ZMAT4: variants seen among roughly 807,000 people sequenced by gnomAD.
ZMAT4 encodes zinc finger matrin-type protein 4.
Under a neutral mutation model 28.7 loss-of-function variants are expected in ZMAT4, and 17 were observed. The ratio of observed to expected loss-of-function variants is 0.59; its 90% confidence interval spans 0.41 to 0.89. The LOEUF (loss-of-function observed/expected upper bound fraction) is 0.89, where lower values mean the gene tolerates loss of function less well. Among genes scored for constraint, ZMAT4 ranks in the 40% least tolerant of loss-of-function variants. The probability of loss-of-function intolerance (pLI) is 0.00; values close to 1 mark genes in which losing one functional copy is unlikely to be tolerated. For synonymous variants in ZMAT4, 117 were observed against 109.2 expected (o/e 1.07, Z -0.44); for missense variants, 240 against 283.8 (o/e 0.85, Z 1.11).
At chr8:40,767,862 G>T in intron 2 of ZMAT4, 132 bp from the exon 3 acceptor site, 1 of 648,678 alleles carries the variant, frequency 1.5e-6, no homozygotes, top group Non-Finnish European at 2.5e-6. Flanking sequence ...CTCCTGTGAG[G>T]GATGTAGGAT....
chr8:40,533,474 C>G (rs899858970), intron 6 of ZMAT4, among the ~76,000 whole-genome samples: 1 of 152,202 alleles, frequency 6.6e-6, no homozygotes, highest in African/African-American at 2.4e-5. Flanking sequence ...AGGTTAGACT[C>G]TTTTCACAGG....
chr8:40,748,727 A>T (rs1389499279), intron 3 of ZMAT4, among the ~76,000 whole-genome samples: 1 of 150,818 alleles, frequency 6.6e-6, no homozygotes, highest in Non-Finnish European at 1.5e-5. Flanking sequence ...TTCATTGACA[A>T]TTACTTAGGG....
intron 3 of ZMAT4, among the ~76,000 whole-genome samples, chr8:40,718,055 G>A (rs1359591216): frequency 2.0e-5 from 3 of 152,120 alleles, no homozygotes; most frequent in Non-Finnish European, 4.4e-5. Context: ...TTCTGTTTCA[G>A]GATCCAATCC....
At chr8:40,665,119 T>A (rs550974204) in intron 5 of ZMAT4, among the ~76,000 whole-genome samples, 20 of 152,160 alleles carry the variant, frequency 1.3e-4, no homozygotes, top group African/African-American at 4.8e-4. Flanking sequence ...GGCAGGAGAA[T>A]CACTTGAACC....
chr8:40,561,715 T>C (rs1803746668), intron 6 of ZMAT4, among the ~76,000 whole-genome samples: 1 of 152,170 alleles, frequency 6.6e-6, no homozygotes, highest in Non-Finnish European at 1.5e-5. Context: ...CGGCTCAGGA[T>C]GGCTTTGAAT....
intron 6 of ZMAT4, among the ~76,000 whole-genome samples, chr8:40,545,950 TAAA>T (rs36053017): frequency 7.5e-6 from 1 of 132,888 alleles, no homozygotes. Flanking sequence ...TGAAGCCCAG[TAAA>T]AAAAAAAAAA....
intron 6 of ZMAT4, among the ~76,000 whole-genome samples, chr8:40,552,380 T>C (rs963826317): frequency 1.2e-4 from 18 of 152,162 alleles, no homozygotes; most frequent in African/African-American, 4.3e-4. Flanking sequence ...GAGCACCAAA[T>C]TCTGCATCTT....
chr8:40,865,155 CT>C (rs1378393502), intron 1 of ZMAT4, among the ~76,000 whole-genome samples: 1 of 152,172 alleles, frequency 6.6e-6, no homozygotes, highest in Non-Finnish European at 1.5e-5. Context: ...AAGAATCAAC[CT>C]TTTGCTGCAT....
At chr8:40,896,902 C>G (rs11780139) in intron 1 of ZMAT4, among the ~76,000 whole-genome samples, 2 of 152,162 alleles carry the variant, frequency 1.3e-5, no homozygotes, top group East Asian at 3.9e-4. Flanking sequence ...GCCAGGCACC[C>G]CTTCTGGGGA....
chr8:40,883,702 C>T (rs955938342), intron 1 of ZMAT4, among the ~76,000 whole-genome samples: 4 of 152,152 alleles, frequency 2.6e-5, no homozygotes. Flanking sequence ...GAAAAAAGTG[C>T]CCTGATCTCC....
chr8:40,853,869 AG>A (rs1254748375), intron 1 of ZMAT4, among the ~76,000 whole-genome samples: 2 of 152,242 alleles, frequency 1.3e-5, no homozygotes, highest in Non-Finnish European at 2.9e-5. Context: ...GATGCTATAA[AG>A]GAATACCTGT....
At chr8:40,587,017 A>C (rs1197157199) in intron 5 of ZMAT4, among the ~76,000 whole-genome samples, 1 of 151,912 alleles carries the variant, frequency 6.6e-6, no homozygotes, top group Non-Finnish European at 1.5e-5. Context: ...AGACGTGAAG[A>C]GGAGGGTAAA....
At chr8:40,865,313 C>A (rs1025869549) in intron 1 of ZMAT4, among the ~76,000 whole-genome samples, 4 of 152,220 alleles carry the variant, frequency 2.6e-5, no homozygotes, top group Non-Finnish European at 4.4e-5. Context: ...CAAGCCACGA[C>A]TGATATCCCT....
chr8:40,598,225 C>T (rs1250262444), intron 5 of ZMAT4, among the ~76,000 whole-genome samples: 1 of 152,118 alleles, frequency 6.6e-6, no homozygotes, highest in African/African-American at 2.4e-5. Context: ...ACTTTAAGTT[C>T]CAGGATACAT....
intron 2 of ZMAT4, among the ~76,000 whole-genome samples, chr8:40,784,016 A>T (rs1465974463): frequency 1.1e-4 from 16 of 152,014 alleles, no homozygotes; most frequent in Admixed American, 1.0e-3. Context: ...CATCTCAAAA[A>T]ATAATAATAA....
At chr8:40,622,015 T>C (rs1806219204) in intron 5 of ZMAT4, among the ~76,000 whole-genome samples, 2 of 152,222 alleles carry the variant, frequency 1.3e-5, no homozygotes, top group Admixed American at 1.3e-4. Context: ...TCCATTTCAA[T>C]TCACTATAAG....
intron 2 of ZMAT4, among the ~76,000 whole-genome samples, chr8:40,787,703 C>T (rs1163551272): frequency 3.9e-5 from 6 of 152,222 alleles, no homozygotes; most frequent in Admixed American, 2.0e-4. Flanking sequence ...TCTGACAACC[C>T]GTGTGGTCTA....
intron 5 of ZMAT4, among the ~76,000 whole-genome samples, chr8:40,606,334 T>C (rs28859134): frequency 0.15 from 22,825 of 152,194 alleles, 2,314 homozygotes; most frequent in African/African-American, 0.28. Flanking sequence ...TCTTTCAAGA[T>C]TTAAAGCTCC....
At chr8:40,719,713 G>A (rs939398961) in intron 3 of ZMAT4, among the ~76,000 whole-genome samples, 3 of 152,102 alleles carry the variant, frequency 2.0e-5, no homozygotes, top group Non-Finnish European at 4.4e-5. Context: ...GGGACTACAG[G>A]TGTCCACCAC....
Sources: allele counts gnomAD v4.1 joint callset (sites outside exome capture counted in the v4.1 genomes callset), GRCh38; gene constraint gnomAD v4.1.1; transcripts MANE v1.5; gene names NCBI Gene and HGNC (gene_info 2026-07-23, HGNC 2026-07-21).